The following ITPR1 variants were observed in gnomAD, a reference collection of about 807,000 sequenced individuals.
The protein encoded by ITPR1 is inositol 1,4,5-trisphosphate-gated calcium channel ITPR1.
ITPR1 carries 96 observed loss-of-function variants against 318.4 expected under a neutral mutation model. That is an observed-to-expected ratio of 0.30 (90% CI 0.26 to 0.36). The LOEUF is 0.36. Among genes scored for constraint, ITPR1 ranks in the 10% least tolerant of loss-of-function variants. The pLI is 1.00. For synonymous variants in ITPR1, 1,312 were observed against 1,289.9 expected (o/e 1.02, Z -0.37); for missense variants, 2,440 against 3,460.2 (o/e 0.71, Z 7.40).
intron 58 of ITPR1, 186 bp from the exon 59 acceptor site, chr3:4,814,864 ACAC>A (rs1363420301): frequency 3.2e-6 from 2 of 616,802 alleles, no homozygotes; most frequent in African/African-American, 1.8e-5. Flanking sequence ...TGGCTGTGTC[ACAC>A]CACACTTGGA....
intron 24 of ITPR1, among the ~76,000 whole-genome samples, chr3:4,677,490 C>T (rs928125425): frequency 9.9e-5 from 15 of 152,120 alleles, no homozygotes; most frequent in East Asian, 3.8e-4. Flanking sequence ...GAGGAGATAG[C>T]CACACAGATA....
chr3:4,645,033 T>A (rs1428304785), intron 8 of ITPR1, among the ~76,000 whole-genome samples: 1 of 152,224 alleles, frequency 6.6e-6, no homozygotes, highest in Non-Finnish European at 1.5e-5. Context: ...TTTTTTTCCC[T>A]TTATGGCTCA....
At chr3:4,575,566 A>C (rs990036979) in intron 4 of ITPR1, among the ~76,000 whole-genome samples, 2 of 152,132 alleles carry the variant, frequency 1.3e-5, no homozygotes, top group African/African-American at 4.8e-5. Flanking sequence ...GAAACACAAG[A>C]CTGTGTATTT....
intron 15 of ITPR1, 27 bp downstream of exon 15, chr3:4,662,269 G>A: frequency 6.5e-7 from 1 of 1,537,658 alleles, no homozygotes; most frequent in Non-Finnish European, 8.8e-7. Flanking sequence ...GCTCAGCACA[G>A]CCGCCCTCCC....
intron 2 of ITPR1, among the ~76,000 whole-genome samples, chr3:4,499,444 C>G (rs2080855514): frequency 1.3e-5 from 2 of 151,948 alleles, no homozygotes; most frequent in African/African-American, 4.8e-5. Flanking sequence ...CTTTGATGGC[C>G]TTTCATTTTT....
intron 4 of ITPR1, among the ~76,000 whole-genome samples, chr3:4,568,089 T>C (rs555828875): frequency 1.2e-4 from 18 of 152,176 alleles, no homozygotes; most frequent in Non-Finnish European, 2.5e-4. Flanking sequence ...GGCGCAGACC[T>C]GAGAAGAGAA....
rs374709147 is a variant in ITPR1, at chr3:4,717,891, C to T, written c.5136+492C>T. ...GAGTTCATATAAAACTTTTTTTAAG[C>T]GCAGTGTGAATTCCTACGTGCTAGT... On this transcript the variant is annotated intron_variant, in intron 40 of 61. Transcript: ENST00000649015. 2.2e-4 allele frequency among the ~76,000 whole-genome samples: 34 copies of T among 152,260 alleles called. No individual in the cohort carries two copies. The East Asian group carries it at 2.9e-3, about 13-fold the overall frequency.
intron 57 of ITPR1, among the ~76,000 whole-genome samples, chr3:4,813,963 C>G (rs2049108574): frequency 6.6e-6 from 1 of 152,204 alleles, no homozygotes; most frequent in African/African-American, 2.4e-5. Flanking sequence ...TGAACAGCCT[C>G]CAATGTAAAG....
At position 4,762,212 on chromosome 3, in the gene ITPR1, C is replaced by A. The variant is rs189420356; in HGVS notation, c.5545-4318C>A. Among the ~76,000 whole-genome samples, 6 of 152,216 alleles carry A rather than the reference C, an allele frequency of 3.9e-5. No individual in the cohort carries two copies. In the East Asian group the frequency reaches 1.2e-3, roughly 29 times the overall value. On this transcript the variant is annotated intron_variant, in intron 44 of 61. Transcript: ENST00000649015. ...GAGACAGAAGTCTCACTATGTTGCCCAGGTAGGCCTTGTAACTAGCTCCAT... is the reference window on the plus strand; with the variant it reads ...GAGACAGAAGTCTCACTATGTTGCCAAGGTAGGCCTTGTAACTAGCTCCAT...
chr3:4,769,770 T>C (rs1406826146), intron 46 of ITPR1, among the ~76,000 whole-genome samples: 4 of 152,198 alleles, frequency 2.6e-5, no homozygotes, highest in South Asian at 2.1e-4. Context: ...GTTAACCAAA[T>C]GCTGAGAGAC....
chr3:4,811,171 G>C (rs1020533417), intron 55 of ITPR1, 94 bp from the exon 56 acceptor site: 7 of 802,354 alleles, frequency 8.7e-6, no homozygotes, highest in African/African-American at 5.2e-5. Context: ...GTGTCTAAGA[G>C]GGCAAACTCT....
intron 61 of ITPR1, among the ~76,000 whole-genome samples, chr3:4,844,004 A>T (rs1399679701): frequency 6.6e-6 from 1 of 152,178 alleles, no homozygotes; most frequent in African/African-American, 2.4e-5. Flanking sequence ...AAGCAAAATT[A>T]CAGGGGAAAA....
At chr3:4,532,006 T>C (rs201075052) in intron 4 of ITPR1, among the ~76,000 whole-genome samples, 2 of 152,354 alleles carry the variant, frequency 1.3e-5, no homozygotes, top group East Asian at 3.9e-4. Flanking sequence ...CACAGGGTTT[T>C]CATGAGGATT....
Position 4,680,683 on chromosome 3 carries a change from A to T in ITPR1, c.3098A>T (p.Asn1033Ile), listed in dbSNP as rs774836564. 6.2e-7 allele frequency: 1 copy of T among 1,611,042 alleles called. No individual in the cohort carries two copies. Among genetic ancestry groups the T allele is most frequent in the Middle Eastern group, 1.7e-4 (1 of 6,058 alleles). Residue 1033 changes from asparagine (N) to isoleucine (I), a missense_variant, in exon 25 of 62, where the codon AAT (asparagine) becomes ATT (isoleucine). Physicochemically the swap from Asn to Ile is moderately radical, Grantham distance 149. Transcript: ENST00000649015. ...AACAGCAGCCAAGAAGGGCCAAGTA[A>T]TGTACCAGGTTAGTGATTCAGAATG... ...SGNSSQEGPSNVPGALDFEHI... is the reference protein window; with the variant it reads ...SGNSSQEGPSIVPGALDFEHI...
intron 4 of ITPR1, among the ~76,000 whole-genome samples, chr3:4,583,472 G>T (rs543374691): frequency 1.3e-5 from 2 of 152,050 alleles, no homozygotes; most frequent in Non-Finnish European, 2.9e-5. Context: ...GGATGAGTGC[G>T]TTACAGGCCT....
chr3:4,537,480 A>G (rs552095967), intron 4 of ITPR1, among the ~76,000 whole-genome samples: 8 of 152,300 alleles, frequency 5.3e-5, no homozygotes, highest in Non-Finnish European at 7.4e-5. Context: ...GAATGTCTTC[A>G]TCCTAGTATA....
At chr3:4,844,395 A>T (rs767513621) in intron 61 of ITPR1, among the ~76,000 whole-genome samples, 1 of 152,148 alleles carries the variant, frequency 6.6e-6, no homozygotes, top group Non-Finnish European at 1.5e-5. Flanking sequence ...AAGTGGTGGG[A>T]TTACAGGCGT....
chr3:4,810,755 GATC>G (rs1219266854), intron 55 of ITPR1, among the ~76,000 whole-genome samples: 3 of 152,180 alleles, frequency 2.0e-5, no homozygotes, highest in Admixed American at 1.3e-4. Context: ...CCTAGCCCGA[GATC>G]ATACGGTGGA....
In ITPR1 at chr3:4,699,876, A is replaced by G; in HGVS notation, c.4471A>G (p.Ile1491Val). 6.2e-7 allele frequency: 1 copy of G among 1,613,704 alleles called. No individual in the cohort carries two copies. The highest frequency in any genetic ancestry group is 8.5e-7 in the Non-Finnish European group (1 of 1,179,682). The change falls in exon 35 of 62, where the codon ATC becomes GTC. Residue 1491 changes from isoleucine to valine, a missense_variant. By Grantham distance (29) the Ile-to-Val change is conservative. Around this residue, in one of 23 missense-constraint regions of ITPR1, gnomAD observed 73 missense variants for 59.5 expected, o/e 1.23. Coordinates refer to ENST00000649015, the MANE Select transcript of ITPR1 (RefSeq NM_001378452.1). Reference protein sequence around the residue: ...DSILEKYVTEIVMSIVTTFFS... With the variant: ...DSILEKYVTEVVMSIVTTFFS... ...GATTTTGGAGAAGTATGTCACCGAA[A>G]TCGTCATGAGTATTGTTACTACTTT...
Sources: allele counts gnomAD v4.1 joint callset (sites outside exome capture counted in the v4.1 genomes callset), GRCh38; gene constraint gnomAD v4.1.1; regional missense constraint gnomAD v4.1.1; transcripts MANE v1.5; gene names NCBI Gene and HGNC (gene_info 2026-07-23, HGNC 2026-07-21).